The following CLCN5 variants were observed in gnomAD, a reference collection of about 807,000 sequenced individuals.
CLCN5 encodes the protein Cl-/H+ antiporter 5.
In CLCN5, 17 loss-of-function variants were observed where a neutral mutation model predicts 54.0. The ratio of observed to expected loss-of-function variants is 0.31; its 90% CI spans 0.22 to 0.47. The LOEUF (loss-of-function observed/expected upper bound fraction) is 0.47, where lower values mean the gene tolerates loss of function less well. CLCN5 is among the 20% of genes least tolerant of loss of function. CLCN5 has a pLI of 1.00. For missense variants in CLCN5, 448 were observed against 646.7 expected (o/e 0.69, Z 3.33); for synonymous variants, 222 against 233.0 (o/e 0.95, Z 0.43).
intron 7 of CLCN5, among the ~76,000 whole-genome samples, chrX:50,078,133 G>A (rs1233852265): frequency 1.8e-5 from 2 of 110,452 alleles, no homozygotes; most frequent in African/African-American, 6.6e-5. Context: ...TCGGGGCCAG[G>A]AGTTTGAGGC....
chrX:50,025,352 G>T (rs1367241715), intron 3 of CLCN5, among the ~76,000 whole-genome samples: 7 of 82,652 alleles, frequency 8.5e-5, no homozygotes, highest in Non-Finnish European at 1.6e-4. Context: ...CACGGTGCGC[G>T]CACACACTGG....
At chrX:50,003,541 G>A (rs782398022) in intron 3 of CLCN5, 18 of 379,260 alleles carry the variant, frequency 4.7e-5, no homozygotes, top group African/African-American at 4.6e-4. Flanking sequence ...TGGAGGGTGA[G>A]CTTTCTGAAA....
chrX:50,077,621 A>AGTGTGTGTGT (rs34262397), intron 7 of CLCN5, among the ~76,000 whole-genome samples: 1 of 78,714 alleles, frequency 1.3e-5, no homozygotes, highest in African/African-American at 5.4e-5. Flanking sequence ...AGAGAGAGAG[A>AGTGTGTGTGT]GTGTGTGTGT....
chrX:49,983,436 C>T (rs1478037353), intron 3 of CLCN5, among the ~76,000 whole-genome samples: 1 of 110,167 alleles, frequency 9.1e-6, no homozygotes, highest in Non-Finnish European at 1.9e-5. Flanking sequence ...CTGCTTCTAA[C>T]CTCTTGTTCT....
At chrX:50,071,811 G>A (rs1557191553) in intron 5 of CLCN5, among the ~76,000 whole-genome samples, 1 of 111,810 alleles carries the variant, frequency 8.9e-6, no homozygotes, top group Non-Finnish European at 1.9e-5. Context: ...AGAAATAGAG[G>A]TACAGAGAAA....
chrX:50,077,107 T>A (rs565700380), intron 7 of CLCN5, among the ~76,000 whole-genome samples: 2 of 111,909 alleles, frequency 1.8e-5, no homozygotes, highest in East Asian at 5.6e-4. Flanking sequence ...CTACAAACAA[T>A]TTGAGGTGGC....
chrX:49,972,859 A>G (rs1279941227), intron 3 of CLCN5, among the ~76,000 whole-genome samples: 1 of 111,290 alleles, frequency 9.0e-6, no homozygotes, highest in Non-Finnish European at 1.9e-5. Context: ...TCATTCTTAA[A>G]CCCTCCCTTA....
chrX:50,015,734 C>A (rs1281277976), intron 3 of CLCN5, among the ~76,000 whole-genome samples: 2 of 110,504 alleles, frequency 1.8e-5, no homozygotes, highest in Non-Finnish European at 1.9e-5. Flanking sequence ...CTTAGCTAAG[C>A]TGATCTATTC....
rs1601987768 is a variant in CLCN5 at position 49,965,897 on chromosome X, T to C, written c.16+40583T>C. Among the ~76,000 whole-genome samples, 4 of 112,429 alleles carry C rather than the reference T, an allele frequency of 3.6e-5. No individual in the cohort carries two copies. The South Asian group carries it at 1.5e-3, about 42-fold the overall frequency. On this transcript the variant is annotated intron_variant, in intron 3 of 14. Coordinates refer to ENST00000376091, the MANE Select transcript of CLCN5 (RefSeq NM_001127898.4). ...CATATGGTTTAATAGTCTTTTAATA[T>C]GGCTAATTACATTGGTTTTCAAATG...
intron 3 of CLCN5, among the ~76,000 whole-genome samples, chrX:50,007,402 T>TCTCC (rs1401471421): frequency 3.2e-5 from 2 of 62,055 alleles, no homozygotes; most frequent in African/African-American, 1.4e-4. Flanking sequence ...TCTCTTTCTC[T>TCTCC]CTCTCTCTCT....
At chrX:50,003,232 C>T (rs190537859) in intron 3 of CLCN5, 76 of 380,975 alleles carry the variant, frequency 2.0e-4, no homozygotes, top group Admixed American at 7.9e-4. Flanking sequence ...TGCAGAAGAG[C>T]GAGCCTTCTC....
rs1162822439 is a variant in CLCN5, at chrX:49,945,604, G to GTT, written c.16+20312_16+20313dup. On this transcript the variant is annotated intron_variant, in intron 3 of 14. Coordinates refer to ENST00000376091, the MANE Select transcript of CLCN5 (RefSeq NM_001127898.4). ...GGGCTCGCGCCACCACGCCCAGCTAGTTTTTTTTTTTTTTTTTTTTTTTGT... is the reference window on the plus strand; with the variant it reads ...GGGCTCGCGCCACCACGCCCAGCTAGTTTTTTTTTTTTTTTTTTTTTTTTTGT... 2.2e-3 allele frequency among the ~76,000 whole-genome samples: 158 copies of GTT among 71,102 alleles called. 2 individuals are homozygous for GTT. The highest frequency in any genetic ancestry group is 2.6e-3 in the Non-Finnish European group (100 of 38,625). 61.7% of individuals were successfully genotyped at this position (71,102 alleles called of 115,157 possible).
chrX:49,985,163 G>A (rs941136330), intron 3 of CLCN5, among the ~76,000 whole-genome samples: 1 of 110,839 alleles, frequency 9.0e-6, no homozygotes, highest in African/African-American at 3.3e-5. Flanking sequence ...AATTTTATTC[G>A]TTTTTTCAAA....
intron 3 of CLCN5, among the ~76,000 whole-genome samples, chrX:49,976,232 C>T (rs1002518598): frequency 1.3e-4 from 15 of 112,515 alleles, no homozygotes; most frequent in African/African-American, 4.5e-4. Context: ...GGGAATGGGG[C>T]CCAACACTTT....
Position 50,098,696 on chromosome X carries a change from C to T in CLCN5, c.*6477C>T, listed in dbSNP as rs1270030045. The T allele has an allele frequency of 3.5e-5, 4 of 113,045 alleles. No individual in the cohort carries two copies. Among genetic ancestry groups the T allele is most frequent in the African/African-American group, 1.3e-4 (4 of 31,033 alleles). 9.3% of individuals were successfully genotyped at this position (113,045 alleles called of 1,213,427 possible). Reference sequence around the variant, plus strand: ...GCAGGAAGTTTGGTGCTGAGCTGTCCAGAGCAGTTGTTTATCTGAGTGTTG... The same window carrying T: ...GCAGGAAGTTTGGTGCTGAGCTGTCTAGAGCAGTTGTTTATCTGAGTGTTG... On this transcript the variant is annotated 3_prime_UTR_variant, in exon 15 of 15. Transcript: ENST00000376091.
At chrX:50,057,189 G>A (rs1300683493) in intron 4 of CLCN5, among the ~76,000 whole-genome samples, 1 of 109,685 alleles carries the variant, frequency 9.1e-6, no homozygotes, top group African/African-American at 3.3e-5. Flanking sequence ...GGTAAGTTCA[G>A]GAGTTTCTAG....
chrX:50,069,496 G>C (rs1557191281), intron 4 of CLCN5: 2 of 763,083 alleles, frequency 2.6e-6, no homozygotes, highest in African/African-American at 4.6e-5. Context: ...ATGTAAAATG[G>C]TTCTTGATGT....
intron 3 of CLCN5, among the ~76,000 whole-genome samples, chrX:49,948,357 A>G (rs1442168667): frequency 9.0e-6 from 1 of 111,376 alleles, no homozygotes; most frequent in Non-Finnish European, 1.9e-5. Context: ...TCTAAACTCT[A>G]GATAGCTGCA....
At chrX:49,946,914 C>T (rs1191214643) in intron 3 of CLCN5, among the ~76,000 whole-genome samples, 2 of 110,298 alleles carry the variant, frequency 1.8e-5, no homozygotes, top group African/African-American at 3.3e-5. Context: ...CCACAACCTC[C>T]GCTTCCTGGA....
Sources: allele counts gnomAD v4.1 joint callset (sites outside exome capture counted in the v4.1 genomes callset), GRCh38; gene constraint gnomAD v4.1.1; transcripts MANE v1.5; gene names NCBI Gene and HGNC (gene_info 2026-07-23, HGNC 2026-07-21).